The following MYL6 variants were observed in gnomAD, a reference collection of about 807,000 sequenced individuals.
MYL6 encodes the protein myosin light chain 6.
Under a neutral mutation model 20.3 loss-of-function variants are expected in MYL6, and 20 were observed. The observed-to-expected ratio is 0.98, with a 90% confidence interval of 0.69 to 1.43. The LOEUF (loss-of-function observed/expected upper bound fraction) is 1.43, where lower values mean the gene tolerates loss of function less well. MYL6 is among the 40% of genes most tolerant of loss of function. The pLI is 0.00. For missense variants in MYL6, 164 were observed against 191.0 expected, an observed-to-expected ratio of 0.86 and a Z score of 0.83; for synonymous variants, 77 against 72.4, an observed-to-expected ratio of 1.06 and a Z score of -0.32.
intron 5 of MYL6, 115 bp downstream of exon 5, chr12:56,160,435 G>T: frequency 6.6e-7 from 1 of 1,508,250 alleles, no homozygotes; most frequent in South Asian, 1.1e-5. Context: ...CAGGAGGCAA[G>T]GTGCAGGGCC....
chr12:56,160,844 G>T, intron 6 of MYL6, 174 bp downstream of exon 6: 1 of 692,166 alleles, frequency 1.4e-6, no homozygotes. Context: ...AGACAACCTG[G>T]GGGTACAGTA....
chr12:56,160,853 T>A, intron 6 of MYL6, 183 bp downstream of exon 6: 1 of 642,874 alleles, frequency 1.6e-6, no homozygotes, highest in Non-Finnish European at 2.7e-6. Context: ...GGGGGTACAG[T>A]ACCTCCTTAC....
chr12:56,160,217 C>A (rs1321554855), intron 4 of MYL6, 26 bp from the exon 5 acceptor site: 1 of 1,613,802 alleles, frequency 6.2e-7, no homozygotes, highest in Admixed American at 1.7e-5. Flanking sequence ...CACCCAATTC[C>A]AAAAATGCTT....
intron 5 of MYL6, 41 bp from the exon 6 acceptor site, chr12:56,160,585 T>C (rs1565884123): frequency 6.2e-7 from 1 of 1,612,046 alleles, no homozygotes; most frequent in Admixed American, 1.7e-5. Flanking sequence ...ACCCCATGTC[T>C]TTGTCTTGTC....
At chr12:56,160,761 C>CT in intron 6 of MYL6, 91 bp downstream of exon 6, 1 of 1,382,942 alleles carries the variant, frequency 7.2e-7, no homozygotes, top group Non-Finnish European at 1.0e-6. Context: ...CCTTACCCTA[C>CT]TACCATCTGA....
chr12:56,159,954 C>T (rs375143942), intron 3 of MYL6, 21 bp from the exon 4 acceptor site: 2 of 1,602,526 alleles, frequency 1.2e-6, no homozygotes, highest in South Asian at 1.1e-5. Flanking sequence ...TGGCCTGACA[C>T]TTCCACCTCC....
Position 56,159,712 on chromosome 12 carries a change from G to C in MYL6, c.157G>C (p.Gly53Arg), listed in dbSNP as rs1405531737. ...PTNAEVLKVL[G>R]NPKSDEMNVK... ...CAACGCCGAGGTGCTCAAGGTCCTG[G>C]GGAACCCCAAGAGTGATGGTGAGGG... is the stretch of plus-strand genomic sequence containing the variant. The change falls in exon 3 of 7, where the codon GGG becomes CGG. Residue 53 changes from glycine to arginine, a missense_variant. Physicochemically the swap from Gly to Arg is moderately radical, Grantham distance 125. Coordinates refer to ENST00000550697, the MANE Select transcript of MYL6 (RefSeq NM_021019.5). 2.5e-6 allele frequency: 4 copies of C among 1,614,010 alleles called. No individual in the cohort carries two copies. The highest frequency in any genetic ancestry group is 3.4e-6 in the Non-Finnish European group (4 of 1,179,988).
At chr12:56,158,586 T>A in intron 1 of MYL6, 98 bp from the exon 2 acceptor site, 1 of 1,593,862 alleles carries the variant, frequency 6.3e-7, no homozygotes, top group Non-Finnish European at 8.5e-7. Flanking sequence ...AAACAGGAGT[T>A]TGTGGGTCAG....
Position 56,159,963 on chromosome 12 carries a change from C to T in MYL6, c.176-12C>T, listed in dbSNP as rs1347846771. Reference sequence around the variant, plus strand: ...CTTCTCTGGCCTGACACTTCCACCTCCTTTATGGCAGAGATGAATGTGAAG... The same window carrying T: ...CTTCTCTGGCCTGACACTTCCACCTTCTTTATGGCAGAGATGAATGTGAAG... On this transcript the variant is annotated splice_polypyrimidine_tract_variant and intron_variant, in intron 3 of 6. Coordinates refer to ENST00000550697, the MANE Select transcript of MYL6 (RefSeq NM_021019.5). The T allele has an allele frequency of 2.5e-6, 4 of 1,607,664 alleles. No homozygotes were observed. The South Asian group carries it at 3.3e-5, about 13-fold the overall frequency.
At chr12:56,159,435 G>A (rs1294713596) in intron 2 of MYL6, 152 bp from the exon 3 acceptor site, 2 of 1,035,936 alleles carry the variant, frequency 1.9e-6, no homozygotes, top group African/African-American at 3.2e-5. Flanking sequence ...GGGAGGAAGA[G>A]AAATAGAGCC....
At chr12:56,159,792 G>A (rs1871605971) in intron 3 of MYL6, 62 bp downstream of exon 3, 1 of 1,569,352 alleles carries the variant, frequency 6.4e-7, no homozygotes, top group Admixed American at 2.0e-5. Flanking sequence ...TCAGCTAAGA[G>A]CTTCCCTTTA....
Position 56,159,688 on chromosome 12 carries a change from A to G in MYL6, c.133A>G (p.Asn45Asp), listed in dbSNP as rs777398507. ...VMRALGQNPT[N>D]AEVLKVLGNP... Reference sequence around the variant, plus strand: ...GAGGGCCCTGGGCCAGAACCCTACCAACGCCGAGGTGCTCAAGGTCCTGGG... The same window carrying G: ...GAGGGCCCTGGGCCAGAACCCTACCGACGCCGAGGTGCTCAAGGTCCTGGG... The change falls in exon 3 of 7, where the codon AAC (asparagine) becomes GAC (aspartate). Residue 45 changes from asparagine to aspartate, a missense_variant. Physicochemically the swap from Asn to Asp is conservative, Grantham distance 23 (BLOSUM62 1). Transcript: ENST00000550697. 5 of 1,614,202 alleles carry G rather than the reference A, an allele frequency of 3.1e-6. No homozygotes were observed. The South Asian group carries it at 4.4e-5, about 14-fold the overall frequency.
chr12:56,160,425 C>A, intron 5 of MYL6, 105 bp downstream of exon 5: 1 of 1,543,316 alleles, frequency 6.5e-7, no homozygotes, highest in East Asian at 2.3e-5. Flanking sequence ...CAAAAAGAGC[C>A]AGGAGGCAAG....
Position 56,160,588 on chromosome 12 carries a change from G to C in MYL6, c.428-38G>C, listed in dbSNP as rs368224435. The C allele has an allele frequency of 5.6e-6, 9 of 1,611,806 alleles. No homozygotes were observed. In the African/African-American group the frequency reaches 9.3e-5, roughly 17 times the overall value. On this transcript the variant is annotated intron_variant, in intron 5 of 6. Coordinates refer to ENST00000550697, the MANE Select transcript of MYL6 (RefSeq NM_021019.5). ...GCCTGACCCCTCACCCCATGTCTTT[G>C]TCTTGTCTTCACCATGAATGTCTCT...
chr12:56,158,460 C>T, intron 1 of MYL6, 56 bp downstream of exon 1: 1 of 1,555,148 alleles, frequency 6.4e-7, no homozygotes, highest in Non-Finnish European at 8.7e-7. Flanking sequence ...CAGGAAGAGA[C>T]GGGTGGGGGG....
chr12:56,158,789 T>TA, intron 2 of MYL6, 78 bp downstream of exon 2: 2 of 1,596,956 alleles, frequency 1.3e-6, no homozygotes, highest in African/African-American at 1.3e-5. Context: ...CCTCTAATCT[T>TA]AATCTGTCAT....
Position 56,159,573 on chromosome 12 carries a change from A to C in MYL6, c.32-14A>C, listed in dbSNP as rs753578544. 3.1e-6 allele frequency: 5 copies of C among 1,611,834 alleles called. No individual in the cohort carries two copies. The South Asian group carries it at 5.5e-5, about 18-fold the overall frequency. ...ACCCTCAAATCCTGTGTTGACATTC[A>C]TCTGAATCCTCAGAGTTCAAGGAGG... On this transcript the variant is annotated splice_polypyrimidine_tract_variant and intron_variant, in intron 2 of 6. Coordinates refer to ENST00000550697, the MANE Select transcript of MYL6 (RefSeq NM_021019.5).
rs751490018 is a variant in MYL6 at position 56,161,454 on chromosome 12, G to T, written c.*84G>T. 6.2e-7 allele frequency: 1 copy of T among 1,612,390 alleles called. No individual in the cohort carries two copies. Among genetic ancestry groups the T allele is most frequent in the Non-Finnish European group, 8.5e-7 (1 of 1,178,468 alleles). On this transcript the variant is annotated 3_prime_UTR_variant, in exon 7 of 7. Coordinates refer to ENST00000550697, the MANE Select transcript of MYL6 (RefSeq NM_021019.5). ...CTCCCCAGAGTCCGTGCCTTTCCCT[G>T]TGTGAATTTTGTATCTAGCCTAAAG...
chr12:56,160,826 A>G, intron 6 of MYL6, 156 bp downstream of exon 6: 1 of 807,806 alleles, frequency 1.2e-6, no homozygotes, highest in Non-Finnish European at 2.0e-6. Context: ...GGGATTCCTC[A>G]AAGAGGAAGA....
Sources: allele counts gnomAD v4.1 joint callset, GRCh38; gene constraint gnomAD v4.1.1; transcripts MANE v1.5; gene names NCBI Gene and HGNC (gene_info 2026-07-23, HGNC 2026-07-21).